Variants in TENM3 observed in about 807,000 individuals in gnomAD.
TENM3 encodes the protein teneurin-3.
Under a neutral mutation model 255.1 loss-of-function variants are expected in TENM3, and 63 were observed. The observed-to-expected ratio is 0.25, with a 90% CI of 0.20 to 0.30. TENM3 has a LOEUF of 0.30. Ranked by LOEUF, TENM3 falls within the 10% of genes least tolerant of loss-of-function variation. TENM3 has a pLI of 1.00. For synonymous variants in TENM3, 1,306 were observed against 1,322.3 expected, an observed-to-expected ratio of 0.99 and a Z score of 0.27; for missense variants, 2,929 against 3,461.1, an observed-to-expected ratio of 0.85 and a Z score of 3.86.
intron 4 of TENM3, among the ~76,000 whole-genome samples, chr4:182,618,748 G>T: frequency 6.6e-6 from 1 of 152,084 alleles, no homozygotes; most frequent in African/African-American, 2.4e-5. Flanking sequence ...TTTAAAACAT[G>T]ATGTTTCATT....
At chr4:182,392,909 A>G (rs2150988813) in intron 3 of TENM3, among the ~76,000 whole-genome samples, 1 of 152,284 alleles carries the variant, frequency 6.6e-6, no homozygotes, top group African/African-American at 2.4e-5. Flanking sequence ...AAAATTGAAG[A>G]GATAAGAACT....
chr4:181,573,817 C>A, the TENM3 span, among the ~76,000 whole-genome samples: 1 of 152,084 alleles, frequency 6.6e-6, no homozygotes, highest in Non-Finnish European at 1.5e-5. Context: ...AATTATACTC[C>A]TATTCACACC....
At chr4:182,444,643 A>G (rs1168542343) in intron 3 of TENM3, among the ~76,000 whole-genome samples, 1 of 152,194 alleles carries the variant, frequency 6.6e-6, no homozygotes, top group Admixed American at 6.5e-5. Context: ...TTGAAAACAC[A>G]GGAGAAATCG....
the TENM3 span, among the ~76,000 whole-genome samples, chr4:181,998,524 C>T: frequency 6.6e-6 from 1 of 152,276 alleles, no homozygotes; most frequent in Non-Finnish European, 1.5e-5. Context: ...GCTGCCTGTG[C>T]TGCCTTTCTA....
At chr4:181,459,060 C>G in the TENM3 span, among the ~76,000 whole-genome samples, 1 of 151,802 alleles carries the variant, frequency 6.6e-6, no homozygotes, top group African/African-American at 2.4e-5. Flanking sequence ...TTCACAAAAA[C>G]TTGGTATTGT....
At chr4:181,499,571 G>C in the TENM3 span, among the ~76,000 whole-genome samples, 6 of 152,170 alleles carry the variant, frequency 3.9e-5, no homozygotes, top group African/African-American at 2.4e-5. Context: ...TATTACTAGA[G>C]TGAGGCATGA....
chr4:181,540,362 T>C, the TENM3 span, among the ~76,000 whole-genome samples: 2,328 of 152,206 alleles, frequency 0.015, 52 homozygotes, highest in African/African-American at 0.052. Context: ...CCCCTGGTGG[T>C]AGAAAATTCT....
chr4:182,289,549 CTA>C (rs769056965), intron 1 of TENM3, among the ~76,000 whole-genome samples: 1 of 152,196 alleles, frequency 6.6e-6, no homozygotes, highest in Non-Finnish European at 1.5e-5. Flanking sequence ...AAATCTTTAA[CTA>C]AATCTTATTG....
chr4:181,718,138 A>G, the TENM3 span, among the ~76,000 whole-genome samples: 1,748 of 152,338 alleles, frequency 0.011, 26 homozygotes, highest in African/African-American at 0.039. Context: ...ATATTTCTAA[A>G]TGTATGTTTG....
At chr4:181,754,454 A>G in the TENM3 span, among the ~76,000 whole-genome samples, 2 of 152,180 alleles carry the variant, frequency 1.3e-5, no homozygotes, top group African/African-American at 4.8e-5. Context: ...GGAAAGAGAC[A>G]TATTTGGGTG....
At chr4:182,421,581 A>G (rs1224280818) in intron 3 of TENM3, among the ~76,000 whole-genome samples, 3 of 152,224 alleles carry the variant, frequency 2.0e-5, no homozygotes, top group Admixed American at 1.3e-4. Flanking sequence ...GGTCATAACT[A>G]TCTTCCTGTT....
At chr4:182,144,622 G>C (rs868735098), upstream of TENM3, 1 of 142,454 alleles carries the variant, frequency 7.0e-6, no homozygotes, top group Admixed American at 6.9e-5. Context: ...CCCGCTCCCC[G>C]CTCCCTCGGC....
chr4:181,625,143 A>T, the TENM3 span, among the ~76,000 whole-genome samples: 1 of 152,316 alleles, frequency 6.6e-6, no homozygotes, highest in Admixed American at 6.5e-5. Context: ...GCACCTTCAC[A>T]TGGCAGAAGA....
chr4:182,764,369 C>T (rs1763490489), intron 22 of TENM3, among the ~76,000 whole-genome samples: 2 of 152,190 alleles, frequency 1.3e-5, no homozygotes. Context: ...ATTCCCTGCT[C>T]TCAAGGAGCT....
intron 1 of TENM3, among the ~76,000 whole-genome samples, chr4:182,319,984 G>C (rs762902766): frequency 3.3e-5 from 5 of 152,022 alleles, no homozygotes; most frequent in African/African-American, 1.2e-4. Context: ...GTGGTGGCAC[G>C]CGCCTGTAAT....
At chr4:182,346,429 T>A (rs1005705335) in intron 2 of TENM3, among the ~76,000 whole-genome samples, 1 of 151,984 alleles carries the variant, frequency 6.6e-6, no homozygotes, top group Admixed American at 6.6e-5. Flanking sequence ...GCTTAAAGAG[T>A]TGACAAAGGA....
chr4:182,060,708 C>T, the TENM3 span, among the ~76,000 whole-genome samples: 1 of 152,162 alleles, frequency 6.6e-6, no homozygotes, highest in South Asian at 2.1e-4. Flanking sequence ...CACACACATA[C>T]AGAAACATAA....
chr4:182,618,488 T>TAAGTA (rs1207132997), intron 4 of TENM3, among the ~76,000 whole-genome samples: 2 of 152,094 alleles, frequency 1.3e-5, no homozygotes, highest in African/African-American at 4.8e-5. Flanking sequence ...CATTTAAATT[T>TAAGTA]CCTTGATAAT....
the TENM3 span, among the ~76,000 whole-genome samples, chr4:182,100,562 C>CACATACATAT: frequency 5.0e-5 from 4 of 80,254 alleles, no homozygotes; most frequent in African/African-American, 2.8e-4. Flanking sequence ...CATATATATA[C>CACATACATAT]ACACATATAT....
Sources: allele counts gnomAD v4.1 joint callset (sites outside exome capture counted in the v4.1 genomes callset), GRCh38; gene constraint gnomAD v4.1.1; transcripts MANE v1.5; gene names NCBI Gene and HGNC (gene_info 2026-07-23, HGNC 2026-07-21).